ERC1: variants seen among roughly 807,000 people sequenced by gnomAD.
The protein encoded by ERC1 is ELKS/RAB6-interacting/CAST family member 1.
Under a neutral mutation model 132.0 loss-of-function variants are expected in ERC1, and 56 were observed. The ratio of observed to expected loss-of-function variants is 0.42; its 90% confidence interval spans 0.34 to 0.53. ERC1 has a LOEUF of 0.53. Ranked by LOEUF, ERC1 falls within the 20% of genes least tolerant of loss-of-function variation. The pLI is 0.03. For missense variants in ERC1, 1,202 were observed against 1,349.9 expected, an observed-to-expected ratio of 0.89 and a Z score of 1.72; for synonymous variants, 478 against 476.1, an observed-to-expected ratio of 1.00 and a Z score of -0.05.
chr12:1,353,601 C>A (rs766618713), intron 15 of ERC1, among the ~76,000 whole-genome samples: 8 of 152,142 alleles, frequency 5.3e-5, no homozygotes, highest in Non-Finnish European at 1.2e-4. Context: ...TGTGTTTAAA[C>A]ATAGGCTGGG....
chr12:1,093,440 G>T (rs1489208936), intron 3 of ERC1, among the ~76,000 whole-genome samples: 3 of 152,084 alleles, frequency 2.0e-5, no homozygotes, highest in Non-Finnish European at 2.9e-5. Context: ...AACATTTGAG[G>T]CCCCAACTTT....
At chr12:1,384,138 T>C (rs1360296110) in intron 16 of ERC1, among the ~76,000 whole-genome samples, 1 of 152,250 alleles carries the variant, frequency 6.6e-6, no homozygotes, top group East Asian at 1.9e-4. Context: ...TACTCTGTTG[T>C]AATAAATAGT....
intron 15 of ERC1, among the ~76,000 whole-genome samples, chr12:1,345,356 C>A (rs1279954016): frequency 6.6e-6 from 1 of 151,824 alleles, no homozygotes; most frequent in Non-Finnish European, 1.5e-5. Flanking sequence ...AATTTTTGTT[C>A]TATTTTTTAG....
intron 8 of ERC1, among the ~76,000 whole-genome samples, chr12:1,143,479 T>C (rs139573252): frequency 1.5e-3 from 228 of 152,246 alleles, no homozygotes; most frequent in African/African-American, 5.1e-3. Context: ...TCTAGTGATA[T>C]TGATCTGTCT....
At chr12:1,419,703 A>T (rs957397119) in intron 17 of ERC1, among the ~76,000 whole-genome samples, 28 of 152,040 alleles carry the variant, frequency 1.8e-4, no homozygotes, top group African/African-American at 6.8e-4. Flanking sequence ...GTTTTGCAAG[A>T]TGAAAAAGTT....
chr12:1,342,488 A>C (rs1410348533), intron 15 of ERC1, among the ~76,000 whole-genome samples: 1 of 151,204 alleles, frequency 6.6e-6, no homozygotes, highest in African/African-American at 2.5e-5. Flanking sequence ...AAAAACAAAA[A>C]AAAGATAAAG....
chr12:1,130,065 G>A (rs1189756949), intron 7 of ERC1, among the ~76,000 whole-genome samples: 12 of 152,310 alleles, frequency 7.9e-5, no homozygotes, highest in Admixed American at 2.0e-4. Flanking sequence ...AATACAGCAG[G>A]TGGAATTCTG....
intron 18 of ERC1, among the ~76,000 whole-genome samples, chr12:1,463,271 C>T (rs540441094): frequency 2.6e-5 from 4 of 152,264 alleles, no homozygotes; most frequent in East Asian, 1.9e-4. Flanking sequence ...ACTCCGGGAC[C>T]GCATCAATCA....
chr12:1,227,969 A>G (rs1363805517), intron 12 of ERC1, among the ~76,000 whole-genome samples: 1 of 152,188 alleles, frequency 6.6e-6, no homozygotes, highest in Non-Finnish European at 1.5e-5. Context: ...CTGTAAATGC[A>G]TGCATTTATT....
intron 15 of ERC1, among the ~76,000 whole-genome samples, chr12:1,340,256 A>C (rs919313069): frequency 6.6e-6 from 1 of 152,066 alleles, no homozygotes; most frequent in African/African-American, 2.4e-5. Flanking sequence ...GCCCCATCTG[A>C]TGGGCAAGAC....
intron 17 of ERC1, among the ~76,000 whole-genome samples, chr12:1,412,948 C>G (rs2154396329): frequency 6.6e-6 from 1 of 152,268 alleles, no homozygotes; most frequent in Middle Eastern, 3.4e-3. Flanking sequence ...TTTTATAGGT[C>G]AGGATGCAAA....
intron 18 of ERC1, among the ~76,000 whole-genome samples, chr12:1,486,520 T>G (rs7307555): frequency 0.072 from 10,925 of 152,104 alleles, 1,317 homozygotes; most frequent in African/African-American, 0.25. Flanking sequence ...CGCCTCCCAG[T>G]TTCATGCAGT....
intron 7 of ERC1, among the ~76,000 whole-genome samples, chr12:1,127,525 G>A (rs1218447493): frequency 9.3e-5 from 14 of 150,480 alleles, no homozygotes; most frequent in Admixed American, 6.6e-5. Context: ...TTTTTGAGAC[G>A]GAGTTTTACT....
At chr12:1,362,066 C>T (rs7137547) in intron 15 of ERC1, among the ~76,000 whole-genome samples, 17,668 of 152,140 alleles carry the variant, frequency 0.12, 2,539 homozygotes, top group African/African-American at 0.34. Context: ...TTGCATCCCT[C>T]TAGAAGATAA....
chr12:1,068,835 G>A (rs1387630033), intron 2 of ERC1, among the ~76,000 whole-genome samples: 1 of 152,062 alleles, frequency 6.6e-6, no homozygotes, highest in African/African-American at 2.4e-5. Context: ...GCATTGCATA[G>A]TCTCTGCATA....
At chr12:1,334,846 T>A (rs2083179172) in intron 15 of ERC1, among the ~76,000 whole-genome samples, 1 of 152,234 alleles carries the variant, frequency 6.6e-6, no homozygotes, top group Admixed American at 6.5e-5. Context: ...CGATATTGAT[T>A]CTTCCTATCC....
At chr12:1,163,197 A>G (rs2906109) in intron 8 of ERC1, among the ~76,000 whole-genome samples, 71,185 of 151,932 alleles carry the variant, frequency 0.47, 19,766 homozygotes, top group African/African-American at 0.78. Flanking sequence ...GTTTTAAATG[A>G]TGCTGATCCT....
At chr12:1,207,153 T>C (rs1335225914) in intron 12 of ERC1, among the ~76,000 whole-genome samples, 1 of 152,194 alleles carries the variant, frequency 6.6e-6, no homozygotes, top group Non-Finnish European at 1.5e-5. Context: ...CAAATAGTTA[T>C]TTCTCTGATT....
chr12:1,052,268 T>G (rs942269072), intron 2 of ERC1, among the ~76,000 whole-genome samples: 2 of 152,212 alleles, frequency 1.3e-5, no homozygotes, highest in Admixed American at 6.5e-5. Flanking sequence ...CTGAAAACTT[T>G]AGGACATTAG....
Sources: gnomAD v4.1 joint callset for allele counts (sites outside exome capture counted in the v4.1 genomes callset) on GRCh38, gnomAD v4.1.1 for gene constraint, MANE v1.5 for transcripts, NCBI Gene and HGNC (gene_info 2026-07-23, HGNC 2026-07-21) for gene names.